The following NBAS variants were observed in gnomAD, a reference collection of about 807,000 sequenced individuals.
NBAS encodes NAG/BC035112 fusion.
NBAS carries 219 observed loss-of-function variants against 302.5 expected under a neutral mutation model. The ratio of observed to expected loss-of-function variants is 0.72; its 90% CI spans 0.65 to 0.81. The LOEUF (loss-of-function observed/expected upper bound fraction) is 0.81, where lower values mean the gene tolerates loss of function less well. Ranked by LOEUF, NBAS falls within the 30% of genes least tolerant of loss-of-function variation. The probability of loss-of-function intolerance (pLI) is 0.00; values close to 1 mark genes in which losing one functional copy is unlikely to be tolerated. For synonymous variants in NBAS, 1,118 were observed against 1,021.6 expected (o/e 1.09, Z -1.80); for missense variants, 2,932 against 2,841.6 (o/e 1.03, Z -0.72).
rs946261461 is a variant in NBAS at position 15,528,395 on chromosome 2, TATGA to T, written c.746+6144_746+6147del. ...TATATATGTACATTTACATATACAATATGAATGTTTATATTATTTATATTATGTT... is the reference window on the plus strand; with the variant it reads ...TATATATGTACATTTACATATACAATATGTTTATATTATTTATATTATGTT... On this transcript the variant is annotated intron_variant, in intron 9 of 51. Coordinates refer to ENST00000281513, the MANE Select transcript of NBAS (RefSeq NM_015909.4). Among the ~76,000 whole-genome samples, 72 of 147,976 alleles carry T rather than the reference TATGA, an allele frequency of 4.9e-4. 1 individual carries two copies. The highest frequency in any genetic ancestry group is 1.7e-3 in the African/African-American group (69 of 40,806).
intron 38 of NBAS, among the ~76,000 whole-genome samples, chr2:15,312,209 C>G (rs1671308954): frequency 6.6e-6 from 1 of 152,186 alleles, no homozygotes; most frequent in Non-Finnish European, 1.5e-5. Flanking sequence ...TCAGTTAGGT[C>G]AGTTCTTCAC....
chr2:15,429,977 A>G (rs1677680219), intron 21 of NBAS, among the ~76,000 whole-genome samples: 1 of 152,228 alleles, frequency 6.6e-6, no homozygotes, highest in African/African-American at 2.4e-5. Context: ...ACATAAGAAT[A>G]AATTACAGCA....
In NBAS at chr2:15,475,774, C is replaced by T. The variant is rs541080736; in HGVS notation, c.1254G>A (p.Leu418=). The change falls in exon 14 of 52, where the codon TTG becomes TTA. Residue 418 remains leucine, a synonymous_variant. Transcript: ENST00000281513. ...GALTVSSVKT[L]KNLLGKSCEW... Reference sequence around the variant, plus strand: ...CACAGGATTTTCCCAGTAAATTCTTCAAAGTTTTCACAGATGAAACAGTTA... The same window carrying T: ...CACAGGATTTTCCCAGTAAATTCTTTAAAGTTTTCACAGATGAAACAGTTA... 1 of 1,614,078 alleles carries T rather than the reference C, an allele frequency of 6.2e-7. No homozygotes were observed. The highest frequency in any genetic ancestry group is 1.3e-5 in the African/African-American group (1 of 75,020).
the NBAS span, among the ~76,000 whole-genome samples, chr2:14,927,356 A>T: frequency 8.5e-5 from 13 of 152,330 alleles, no homozygotes; most frequent in East Asian, 2.5e-3. Context: ...TTGACTCAGC[A>T]TATTATCTTC....
chr2:15,464,417 G>A (rs1264576330), intron 19 of NBAS, among the ~76,000 whole-genome samples: 1 of 151,918 alleles, frequency 6.6e-6, no homozygotes, highest in Non-Finnish European at 1.5e-5. Flanking sequence ...CTTCCTCCCA[G>A]TTACAGCAGA....
chr2:15,104,663 G>T, the NBAS span, among the ~76,000 whole-genome samples: 1 of 151,904 alleles, frequency 6.6e-6, no homozygotes, highest in Admixed American at 6.6e-5. Flanking sequence ...TTACACTCCC[G>T]CCAACAGTGT....
chr2:15,536,835 AG>A (rs1410440634), intron 7 of NBAS, among the ~76,000 whole-genome samples: 6 of 152,020 alleles, frequency 3.9e-5, no homozygotes, highest in Admixed American at 2.6e-4. Flanking sequence ...TGTCAATTGC[AG>A]AAAAAAAACA....
At chr2:15,498,029 T>C (rs146321776) in intron 11 of NBAS, among the ~76,000 whole-genome samples, 1 of 152,340 alleles carries the variant, frequency 6.6e-6, no homozygotes, top group East Asian at 1.9e-4. Flanking sequence ...AGATACACTA[T>C]ACCTTTCCTC....
chr2:15,462,402 A>G (rs1252285092), intron 19 of NBAS, among the ~76,000 whole-genome samples: 1 of 152,214 alleles, frequency 6.6e-6, no homozygotes, highest in Admixed American at 6.6e-5. Flanking sequence ...GAAACATAAA[A>G]GACAATGAAA....
chr2:15,217,132 G>A (rs977112085), intron 48 of NBAS, among the ~76,000 whole-genome samples: 1 of 152,168 alleles, frequency 6.6e-6, no homozygotes. Flanking sequence ...CGTGTCCCTA[G>A]CCTGCTCTTT....
At chr2:15,340,491 A>C (rs1203413540) in intron 35 of NBAS, among the ~76,000 whole-genome samples, 1 of 152,178 alleles carries the variant, frequency 6.6e-6, no homozygotes, top group Non-Finnish European at 1.5e-5. Context: ...GTTCAATTTT[A>C]ACATATTGAG....
chr2:15,012,525 G>C, the NBAS span, among the ~76,000 whole-genome samples: 1 of 152,150 alleles, frequency 6.6e-6, no homozygotes, highest in Non-Finnish European at 1.5e-5. Flanking sequence ...TCTTGGGAGA[G>C]AGATGGACAT....
chr2:15,051,097 T>C, the NBAS span, among the ~76,000 whole-genome samples: 1 of 152,090 alleles, frequency 6.6e-6, no homozygotes. Flanking sequence ...TCAATAAATA[T>C]TTGTTCAATA....
rs1672023201 is a variant in NBAS, at chr2:15,325,484, TGCTGAGGGTTGTGGTG to T, written c.4582+2250_4582+2265del. On this transcript the variant is annotated intron_variant, in intron 38 of 51. Transcript: ENST00000281513. The stretch of plus-strand genomic sequence containing the variant: ...GCTGCTGACTGATCAGGATTGTGGT[TGCTGAGGGTTGTGGTG>T]GCTGTGGCAATTTCTCAAAATGAAC... 7.2e-5 allele frequency among the ~76,000 whole-genome samples: 11 copies of T among 152,322 alleles called. No individual in the cohort carries two copies. In the South Asian group the frequency reaches 2.1e-3, roughly 29 times the overall value.
chr2:15,275,980 T>C (rs1311104846), intron 43 of NBAS, among the ~76,000 whole-genome samples, 162 bp from the exon 44 acceptor site: 2 of 152,168 alleles, frequency 1.3e-5, no homozygotes, highest in African/African-American at 4.8e-5. Flanking sequence ...GATCAGGAGA[T>C]CTGAGTTCCA....
At chr2:15,442,977 C>G (rs1298241919) in intron 21 of NBAS, among the ~76,000 whole-genome samples, 1 of 152,140 alleles carries the variant, frequency 6.6e-6, no homozygotes, top group Non-Finnish European at 1.5e-5. Context: ...TCTGAATAGA[C>G]CAATAACAGG....
chr2:15,086,299 T>C, the NBAS span, among the ~76,000 whole-genome samples: 7 of 152,110 alleles, frequency 4.6e-5, no homozygotes, highest in African/African-American at 1.7e-4. Context: ...TGCTAGAAGC[T>C]GAACACTCGG....
At chr2:15,339,042 A>C (rs1041333507) in intron 35 of NBAS, among the ~76,000 whole-genome samples, 3 of 152,188 alleles carry the variant, frequency 2.0e-5, no homozygotes, top group Admixed American at 1.3e-4. Flanking sequence ...ATCAATATTA[A>C]GCATACTATT....
At chr2:14,787,520 G>A in the NBAS span, among the ~76,000 whole-genome samples, 1 of 152,100 alleles carries the variant, frequency 6.6e-6, no homozygotes, top group African/African-American at 2.4e-5. Flanking sequence ...AGGCCTGATG[G>A]TGACATAATC....
Sources: allele counts gnomAD v4.1 joint callset (sites outside exome capture counted in the v4.1 genomes callset), GRCh38; gene constraint gnomAD v4.1.1; transcripts MANE v1.5; gene names NCBI Gene and HGNC (gene_info 2026-07-23, HGNC 2026-07-21).